KAZN: variants seen among roughly 807,000 people sequenced by gnomAD.
KAZN encodes the protein kazrin, periplakin interacting protein.
A neutral mutation model predicts 87.4 loss-of-function variants in KAZN; 40 were observed. The observed-to-expected ratio is 0.46, with a 90% CI of 0.36 to 0.60. The LOEUF is 0.60. Among genes scored for constraint, KAZN ranks in the 20% least tolerant of loss-of-function variants. KAZN has a pLI of 0.00. For synonymous variants in KAZN, 466 were observed against 458.3 expected (o/e 1.02, Z -0.22); for missense variants, 898 against 1,073.9 (o/e 0.84, Z 2.29).
chr1:13,983,240 G>T (rs1254148810), intron 1 of KAZN, among the ~76,000 whole-genome samples: 1 of 152,222 alleles, frequency 6.6e-6, no homozygotes, highest in African/African-American at 2.4e-5. Flanking sequence ...GAGGCTCGGG[G>T]GCACAGGAGC....
chr1:14,020,082 C>G (rs547723761), intron 1 of KAZN, among the ~76,000 whole-genome samples: 40 of 151,966 alleles, frequency 2.6e-4, no homozygotes, highest in African/African-American at 9.4e-4. Context: ...AGATTCTCAT[C>G]AGGAGCATGC....
intron 2 of KAZN, among the ~76,000 whole-genome samples, chr1:14,354,033 T>C (rs1658780972): frequency 1.3e-5 from 2 of 152,320 alleles, no homozygotes; most frequent in South Asian, 2.1e-4. Context: ...TATAAAGTTA[T>C]GGTAATCACA....
intron 2 of KAZN, among the ~76,000 whole-genome samples, chr1:14,188,921 T>C (rs1262030101): frequency 6.6e-6 from 1 of 152,162 alleles, no homozygotes; most frequent in Non-Finnish European, 1.5e-5. Flanking sequence ...GCCAAATGTA[T>C]GCCATATAAT....
chr1:14,198,084 A>G lies in KAZN; in HGVS notation c.249+17492A>G, dbSNP rs182244609. Among the ~76,000 whole-genome samples the G allele has an allele frequency of 1.4e-3, 209 of 152,316 alleles. 1 individual carries two copies. Among genetic ancestry groups the G allele is most frequent in the African/African-American group, 4.8e-3 (198 of 41,572 alleles). ...AAAAACTTACACATTGAAATATCAC[A>G]GTGGCATTTCGAGTTCTCAAGCATA... On this transcript the variant is annotated intron_variant, in intron 2 of 16. Coordinates refer to the KAZN transcript ENST00000636203.
At position 14,599,129 on chromosome 1, in the gene KAZN, C is replaced by G. The variant is rs1676738741; in HGVS notation, c.132C>G (p.Gly44=). 7 of 1,491,014 alleles carry G rather than the reference C, an allele frequency of 4.7e-6. No individual in the cohort carries two copies. The highest frequency in any genetic ancestry group is 1.5e-5 in the African/African-American group (1 of 68,612). The allele number at this position is 1,491,014 out of a possible 1,614,324, so 92.4% of individuals were successfully genotyped here. A position where few individuals can be genotyped will look rare whatever the true frequency, so the allele number is the denominator to read the frequency against. Residue 44 remains glycine (G), a synonymous_variant, in exon 1 of 15, where the codon GGC becomes GGG. Transcript: ENST00000376030. The surrounding 1 kb of genome is among the most constrained non-coding windows in gnomAD (Gnocchi z 4.4). ...NRRLAELSGG[G]GPGPGPGAAA... ...GACTGGCGGAACTGAGCGGCGGCGG[C>G]GGCCCCGGCCCGGGCCCGGGAGCCG...
At chr1:15,062,003 G>A (rs1638836099) in intron 6 of KAZN, 1 of 152,162 alleles carries the variant, frequency 6.6e-6, no homozygotes, top group African/African-American at 2.4e-5. Flanking sequence ...TATACCTACA[G>A]CCAGCAGTGT....
intron 2 of KAZN, among the ~76,000 whole-genome samples, chr1:14,473,601 T>C (rs60451134): frequency 0.038 from 5,642 of 148,368 alleles, 342 homozygotes; most frequent in African/African-American, 0.13. Context: ...ATCGCGCCAC[T>C]GCACTCCAGC....
At chr1:14,080,064 A>G (rs2101586851) in intron 1 of KAZN, among the ~76,000 whole-genome samples, 1 of 123,124 alleles carries the variant, frequency 8.1e-6, no homozygotes, top group Non-Finnish European at 1.8e-5. Flanking sequence ...CAACAGATGA[A>G]TTTTGGGGGG....
chr1:14,687,259 C>T (rs942729501), intron 1 of KAZN, among the ~76,000 whole-genome samples: 4 of 152,170 alleles, frequency 2.6e-5, no homozygotes, highest in African/African-American at 9.7e-5. Context: ...GTATTAAGCA[C>T]CTGCTGTGAC....
intron 1 of KAZN, among the ~76,000 whole-genome samples, chr1:14,947,156 C>T (rs1312281207): frequency 6.6e-6 from 1 of 152,244 alleles, no homozygotes; most frequent in Non-Finnish European, 1.5e-5. Flanking sequence ...TTGCTTCCTC[C>T]CGATCTGCAG....
intron 2 of KAZN, among the ~76,000 whole-genome samples, chr1:15,016,317 C>G (rs888580445): frequency 6.6e-6 from 1 of 152,178 alleles, no homozygotes; most frequent in Admixed American, 6.5e-5. Context: ...CAGAGTCTCA[C>G]TTTTGTTGCC....
chr1:15,023,394 G>C (rs544263592), intron 2 of KAZN, among the ~76,000 whole-genome samples: 1 of 152,328 alleles, frequency 6.6e-6, no homozygotes, highest in South Asian at 2.1e-4. Flanking sequence ...GAATAAAGAG[G>C]AGATGGGAGG....
intron 1 of KAZN, among the ~76,000 whole-genome samples, chr1:14,681,669 T>G (rs1242240291): frequency 4.7e-4 from 6 of 12,716 alleles, no homozygotes; most frequent in African/African-American, 1.5e-3. Flanking sequence ...TTTTTTTTTT[T>G]TTTTTTTTTT....
intron 1 of KAZN, among the ~76,000 whole-genome samples, chr1:14,914,885 T>C (rs989932630): frequency 5.9e-5 from 9 of 152,256 alleles, no homozygotes; most frequent in African/African-American, 2.2e-4. Flanking sequence ...ATAGTACTTC[T>C]GGGGATGAAA....
chr1:14,452,039 T>C (rs1484910900), intron 2 of KAZN, among the ~76,000 whole-genome samples: 1 of 152,170 alleles, frequency 6.6e-6, no homozygotes, highest in Non-Finnish European at 1.5e-5. Flanking sequence ...TCCTGGATTC[T>C]AGCGATTCTC....
chr1:13,945,712 A>T (rs6670143), intron 1 of KAZN, among the ~76,000 whole-genome samples: 10,551 of 33,870 alleles, frequency 0.31, 494 homozygotes, highest in African/African-American at 0.39. Flanking sequence ...TGTGTGTGTG[A>T]GAGAGAGAGA....
chr1:14,973,809 G>C (rs1490479230), intron 2 of KAZN, among the ~76,000 whole-genome samples: 3 of 152,196 alleles, frequency 2.0e-5, no homozygotes, highest in Non-Finnish European at 4.4e-5. Flanking sequence ...AATTGACAAA[G>C]ATCCATTTCT....
At chr1:14,117,778 G>C (rs1226495316) in intron 1 of KAZN, among the ~76,000 whole-genome samples, 2 of 152,078 alleles carry the variant, frequency 1.3e-5, no homozygotes, top group Admixed American at 1.3e-4. Context: ...ATGATGGTGG[G>C]TGCCTCACAC....
intron 1 of KAZN, among the ~76,000 whole-genome samples, chr1:13,927,252 A>G (rs1019808214): frequency 3.3e-5 from 5 of 152,170 alleles, no homozygotes; most frequent in African/African-American, 1.2e-4. Flanking sequence ...GTCCTAGTGC[A>G]GTTGGAGAAG....
Sources: gnomAD v4.1 joint callset for allele counts (sites outside exome capture counted in the v4.1 genomes callset) on GRCh38, gnomAD v4.1.1 for gene constraint, Gnocchi (gnomAD v3.1) non-coding constraint, MANE v1.5 for transcripts, NCBI Gene and HGNC (gene_info 2026-07-23, HGNC 2026-07-21) for gene names.